Variants in MEF2A observed in about 807,000 individuals in gnomAD.
The protein encoded by MEF2A is myocyte enhancer factor 2A, also known as myocyte-specific enhancer factor 2A.
A neutral mutation model predicts 55.8 loss-of-function variants in MEF2A; 28 were observed. That is an observed-to-expected ratio of 0.50 (90% confidence interval 0.37 to 0.69). The LOEUF (loss-of-function observed/expected upper bound fraction) is 0.69, where lower values mean the gene tolerates loss of function less well. Among genes scored for constraint, MEF2A ranks in the 30% least tolerant of loss-of-function variants. MEF2A has a pLI of 0.00. For synonymous variants in MEF2A, 239 were observed against 227.1 expected (o/e 1.05, Z -0.47); for missense variants, 528 against 626.2 (o/e 0.84, Z 1.67).
intron 1 of MEF2A, among the ~76,000 whole-genome samples, chr15:99,573,752 T>C (rs117026714): frequency 1.3e-5 from 2 of 152,348 alleles, no homozygotes; most frequent in East Asian, 1.9e-4. Flanking sequence ...AAAGAACTTT[T>C]GTAGCCAACA....
chr15:99,614,635 G>T (rs868627907), intron 2 of MEF2A, among the ~76,000 whole-genome samples: 1 of 152,150 alleles, frequency 6.6e-6, no homozygotes, highest in Non-Finnish European at 1.5e-5. Flanking sequence ...TAAGAGAGAA[G>T]TACAGTCTGT....
At chr15:99,652,176 G>T (rs1415899786) in intron 4 of MEF2A, among the ~76,000 whole-genome samples, 1 of 152,162 alleles carries the variant, frequency 6.6e-6, no homozygotes, top group African/African-American at 2.4e-5. Context: ...CAACCTTGTT[G>T]GCACCAGGGA....
chr15:99,645,827 T>A, intron 4 of MEF2A, 63 bp downstream of exon 4: 2 of 1,167,342 alleles, frequency 1.7e-6, no homozygotes, highest in Non-Finnish European at 2.4e-6. Flanking sequence ...TTAATAGCAT[T>A]AACTGTCAGA....
intron 1 of MEF2A, among the ~76,000 whole-genome samples, chr15:99,580,014 C>G (rs781039659): frequency 1.1e-4 from 16 of 152,090 alleles, no homozygotes; most frequent in Admixed American, 2.6e-4. Flanking sequence ...TTTTGAAATT[C>G]CTTCCCTGTA....
At chr15:99,595,153 G>T (rs142543162) in intron 1 of MEF2A, among the ~76,000 whole-genome samples, 2 of 152,094 alleles carry the variant, frequency 1.3e-5, no homozygotes, top group African/African-American at 4.8e-5. Context: ...TAGTATTTGC[G>T]TTCCCTCTTG....
intron 2 of MEF2A, among the ~76,000 whole-genome samples, chr15:99,603,691 A>T (rs1205741629): frequency 6.6e-6 from 1 of 152,044 alleles, no homozygotes; most frequent in Non-Finnish European, 1.5e-5. Context: ...GTGAGCCACC[A>T]TGCCCAGCCA....
intron 8 of MEF2A, among the ~76,000 whole-genome samples, chr15:99,696,032 A>G (rs2056425103): frequency 6.6e-6 from 1 of 152,210 alleles, no homozygotes; most frequent in Non-Finnish European, 1.5e-5. Context: ...AGCGATAAGG[A>G]GGGACGTGAC....
At chr15:99,644,853 T>G (rs976782503) in intron 3 of MEF2A, among the ~76,000 whole-genome samples, 3 of 152,142 alleles carry the variant, frequency 2.0e-5, no homozygotes, top group Non-Finnish European at 4.4e-5. Context: ...GGTGGTATAA[T>G]TTTTGTATGG....
At chr15:99,603,543 T>TTGTGTGTGTGTGTGTGTGTGTGTGTGTG (rs1300288383) in intron 2 of MEF2A, among the ~76,000 whole-genome samples, 20 of 126,422 alleles carry the variant, frequency 1.6e-4, no homozygotes, top group African/African-American at 3.8e-4. Flanking sequence ...CTGGCTGATT[T>TTGTGTGTGTGTGTGTGTGTGTGTGTGTG]TGTGTGTGTG....
At chr15:99,656,932 A>T (rs1195858957) in intron 4 of MEF2A, among the ~76,000 whole-genome samples, 3 of 152,056 alleles carry the variant, frequency 2.0e-5, no homozygotes, top group Admixed American at 2.0e-4. Flanking sequence ...TCCGAAAAGA[A>T]ACCCAGTACC....
At chr15:99,622,718 T>G (rs1252203677) in intron 2 of MEF2A, among the ~76,000 whole-genome samples, 2 of 150,574 alleles carry the variant, frequency 1.3e-5, no homozygotes, top group African/African-American at 4.8e-5. Context: ...TTTTTTCTTT[T>G]TTGAGATGGA....
intron 1 of MEF2A, among the ~76,000 whole-genome samples, chr15:99,573,586 A>G (rs545860570): frequency 6.6e-6 from 1 of 152,300 alleles, no homozygotes; most frequent in Admixed American, 6.5e-5. Context: ...TTACTAACCA[A>G]CATCCCTTCT....
chr15:99,592,918 G>C (rs1969839376), intron 1 of MEF2A, among the ~76,000 whole-genome samples: 1 of 152,142 alleles, frequency 6.6e-6, no homozygotes. Context: ...TGAATGTTAG[G>C]GATGTAGGTT....
At chr15:99,608,144 A>G (rs745696095) in intron 2 of MEF2A, among the ~76,000 whole-genome samples, 3 of 152,210 alleles carry the variant, frequency 2.0e-5, no homozygotes, top group Non-Finnish European at 4.4e-5. Context: ...TAAAATAATC[A>G]TATGTCCTGT....
intron 8 of MEF2A, among the ~76,000 whole-genome samples, chr15:99,701,781 G>T (rs963990479): frequency 1.3e-5 from 2 of 152,162 alleles, no homozygotes; most frequent in Admixed American, 6.5e-5. Context: ...TGGCATTTAG[G>T]ATGGTCCCAT....
intron 4 of MEF2A, among the ~76,000 whole-genome samples, chr15:99,667,812 T>C (rs1244124475): frequency 6.6e-6 from 1 of 152,232 alleles, no homozygotes; most frequent in African/African-American, 2.4e-5. Context: ...CATTATCTTC[T>C]GTTTACAGAG....
chr15:99,646,208 G>C (rs907325673), intron 4 of MEF2A, among the ~76,000 whole-genome samples: 9 of 152,022 alleles, frequency 5.9e-5, no homozygotes, highest in Admixed American at 4.6e-4. Flanking sequence ...TTTTAGTTGG[G>C]CAACAGGAGA....
intron 3 of MEF2A, among the ~76,000 whole-genome samples, chr15:99,644,276 C>T (rs2045568819): frequency 6.6e-6 from 1 of 152,116 alleles, no homozygotes. Flanking sequence ...AAAACAGATA[C>T]TCTGCTTAAA....
At chr15:99,656,128 A>G (rs559273109) in intron 4 of MEF2A, among the ~76,000 whole-genome samples, 4 of 152,216 alleles carry the variant, frequency 2.6e-5, no homozygotes, top group African/African-American at 7.2e-5. Context: ...AACTTCATCA[A>G]ATATTACAAA....
Sources: gnomAD v4.1 joint callset for allele counts (sites outside exome capture counted in the v4.1 genomes callset) on GRCh38, gnomAD v4.1.1 for gene constraint, MANE v1.5 for transcripts, NCBI Gene and HGNC (gene_info 2026-07-23, HGNC 2026-07-21) for gene names.